The following MAPK6 variants were observed in gnomAD, a reference collection of about 807,000 sequenced individuals.
MAPK6 encodes ERK-3.
In MAPK6, 19 loss-of-function variants were observed where a neutral mutation model predicts 59.3. The ratio of observed to expected loss-of-function variants is 0.32; its 90% confidence interval spans 0.22 to 0.47. The LOEUF (loss-of-function observed/expected upper bound fraction) is 0.47, where lower values mean the gene tolerates loss of function less well. Among genes scored for constraint, MAPK6 ranks in the 20% least tolerant of loss-of-function variants. The pLI is 1.00. For missense variants in MAPK6, 724 were observed against 847.9 expected (o/e 0.85, Z 1.81); for synonymous variants, 316 against 290.3 (o/e 1.09, Z -0.90).
chr15:52,033,344 C>T (rs1426815089), intron 1 of MAPK6, among the ~76,000 whole-genome samples: 1 of 151,862 alleles, frequency 6.6e-6, no homozygotes, highest in Non-Finnish European at 1.5e-5. Flanking sequence ...TGGGTGGGCA[C>T]CATCCAATTG....
chr15:52,062,485 C>G lies in MAPK6; in HGVS notation c.1067+985C>G, dbSNP rs143805854. Reference sequence around the variant, plus strand: ...TAATTGGATTTCTAGGAAAGTTTGGCTGGGCGCGGTGGCTCATGCCTGTAA... The same window carrying G: ...TAATTGGATTTCTAGGAAAGTTTGGGTGGGCGCGGTGGCTCATGCCTGTAA... On this transcript the variant is annotated intron_variant, in intron 5 of 5. Coordinates refer to ENST00000261845, the MANE Select transcript of MAPK6 (RefSeq NM_002748.4). Among the ~76,000 whole-genome samples, 1,021 of 152,138 alleles carry G rather than the reference C, an allele frequency of 6.7e-3. 15 individuals carry two copies. The highest frequency in any genetic ancestry group is 0.024 in the African/African-American group (986 of 41,508).
chr15:52,045,638 C>T (rs1054442522), intron 1 of MAPK6, among the ~76,000 whole-genome samples, 192 bp from the exon 2 acceptor site: 1 of 152,058 alleles, frequency 6.6e-6, no homozygotes, highest in Non-Finnish European at 1.5e-5. Context: ...CCCGGGCCAA[C>T]GTGTGTGAAT....
At position 52,052,919 on chromosome 15, in the gene MAPK6, G is replaced by T. The variant is rs145924076; in HGVS notation, c.700+2782G>T. On this transcript the variant is annotated intron_variant, in intron 3 of 5. Transcript: ENST00000261845. ...GGTATATATACCTAGGAGTGGAATT[G>T]CTGAGCTGTGTGGTAACTGTTTAAC... Among the ~76,000 whole-genome samples, 435 of 152,278 alleles carry T rather than the reference G, an allele frequency of 2.9e-3. 1 individual carries two copies. Among genetic ancestry groups the T allele is most frequent in the Middle Eastern group, 0.02 (6 of 294 alleles).
chr15:51,985,080 G>C (rs1196691953), intron 2 of MAPK6, among the ~76,000 whole-genome samples: 1 of 152,206 alleles, frequency 6.6e-6, no homozygotes, highest in Non-Finnish European at 1.5e-5. Flanking sequence ...TGTTGACTGA[G>C]TGTGGTGGCT....
At chr15:52,057,238 A>G (rs193064665) in intron 3 of MAPK6, 18 of 151,688 alleles carry the variant, frequency 1.2e-4, no homozygotes, top group African/African-American at 3.7e-4. Context: ...TAGTTACCAC[A>G]TCGCAGCCAG....
At chr15:51,983,534 A>G (rs1024919998) in intron 2 of MAPK6, among the ~76,000 whole-genome samples, 2 of 145,936 alleles carry the variant, frequency 1.4e-5, no homozygotes, top group Admixed American at 6.8e-5. Context: ...AACAGGGCTG[A>G]TGTGGTGGCT....
chr15:52,052,169 C>G (rs990833811), intron 3 of MAPK6, among the ~76,000 whole-genome samples: 2 of 152,276 alleles, frequency 1.3e-5, no homozygotes, highest in East Asian at 1.9e-4. Flanking sequence ...CTTATGTTTT[C>G]TCAGTCAAGA....
At chr15:52,053,118 G>T (rs1183329752) in intron 3 of MAPK6, among the ~76,000 whole-genome samples, 4 of 149,058 alleles carry the variant, frequency 2.7e-5, no homozygotes, top group Non-Finnish European at 5.9e-5. Flanking sequence ...TGTCATCCAG[G>T]CTGGAATGCA....
intron 1 of MAPK6, chr15:52,027,945 G>GTTTTTTTT (rs1159075762): frequency 1.7e-5 from 1 of 59,548 alleles, no homozygotes; most frequent in Non-Finnish European, 3.3e-5. Flanking sequence ...GCTAATTTTT[G>GTTTTTTTT]TATTTTTTTT....
rs199765167 is a variant in MAPK6, at chr15:52,058,715, C to G, written c.783C>G (p.Ser261Arg). 6.2e-7 allele frequency: 1 copy of G among 1,613,104 alleles called. No individual in the cohort carries two copies. Among genetic ancestry groups the G allele is most frequent in the East Asian group, 2.2e-5 (1 of 44,852 alleles). ...VHEEDRQELL[S>R]VIPVYIRNDM... ...AGGAAGATCGTCAGGAGCTTCTCAG[C>G]GTAATTCCAGTTTACATTAGAAATG... The change falls in exon 4 of 6, where the codon AGC (serine) becomes AGG (arginine). Residue 261 changes from serine to arginine, a missense_variant. Ser to Arg is a moderately radical substitution (Grantham distance 110, BLOSUM62 -1). Coordinates refer to ENST00000261845, the MANE Select transcript of MAPK6 (RefSeq NM_002748.4).
intron 2 of MAPK6, among the ~76,000 whole-genome samples, chr15:51,994,356 G>A (rs917542515): frequency 2.0e-5 from 3 of 152,178 alleles, no homozygotes; most frequent in African/African-American, 7.2e-5. Flanking sequence ...GGGCATGGTG[G>A]CTCATACCAG....
chr15:51,991,614 A>C (rs1447363918), intron 2 of MAPK6, among the ~76,000 whole-genome samples: 1 of 152,272 alleles, frequency 6.6e-6, no homozygotes, highest in Non-Finnish European at 1.5e-5. Context: ...TAGTTTCCTA[A>C]GAATGGTAAT....
chr15:52,028,237 C>A (rs1249278871), intron 1 of MAPK6, among the ~76,000 whole-genome samples: 1 of 152,114 alleles, frequency 6.6e-6, no homozygotes, highest in Non-Finnish European at 1.5e-5. Flanking sequence ...CAGGTGTGAA[C>A]CACCGCGCCC....
intron 1 of MAPK6, among the ~76,000 whole-genome samples, chr15:52,020,345 C>T (rs549351769): frequency 1.2e-4 from 19 of 152,168 alleles, no homozygotes; most frequent in African/African-American, 4.1e-4. Flanking sequence ...TTTTCTTTTG[C>T]TTGTTCATTG....
chr15:52,023,445 C>G (rs2030624681), intron 1 of MAPK6, among the ~76,000 whole-genome samples: 1 of 152,218 alleles, frequency 6.6e-6, no homozygotes, highest in African/African-American at 2.4e-5. Flanking sequence ...ACAAAAACAA[C>G]TCCAATGTTA....
chr15:52,011,827 A>G (rs1239136370), intron 3 of MAPK6, among the ~76,000 whole-genome samples: 2 of 152,236 alleles, frequency 1.3e-5, no homozygotes, highest in African/African-American at 2.4e-5. Flanking sequence ...ATCAAATTAC[A>G]ACGTGTTCTT....
chr15:51,997,957 C>CTTTCTTTCTTTCTTTCTTTCTTTCTT (rs2057230311), intron 2 of MAPK6, among the ~76,000 whole-genome samples: 3 of 146,220 alleles, frequency 2.1e-5, no homozygotes, highest in African/African-American at 5.1e-5. Context: ...TTCTTTTTTT[C>CTTTCTTTCTTTCTTTCTTTCTTTCTT]TTTTTGAGAC....
At chr15:52,019,763 G>C (rs1209814923) in intron 1 of MAPK6, among the ~76,000 whole-genome samples, 1 of 151,836 alleles carries the variant, frequency 6.6e-6, no homozygotes, top group Non-Finnish European at 1.5e-5. Context: ...CCTGCGCCTG[G>C]CTCCGCGGGT....
At position 52,063,971 on chromosome 15, in the gene MAPK6, G is replaced by C. The variant is rs1384956576; in HGVS notation, c.1137G>C (p.Gln379His). 1 of 1,610,478 alleles carries C rather than the reference G, an allele frequency of 6.2e-7. No individual in the cohort carries two copies. Among genetic ancestry groups the C allele is most frequent in the African/African-American group, 1.3e-5 (1 of 74,824 alleles). The change falls in exon 6 of 6, where the codon CAG becomes CAC. Residue 379 changes from glutamine (Q) to histidine (H), a missense_variant. This residue lies in a region of MAPK6 where 502 missense variants were observed against 507.6 expected (regional missense o/e 0.99). Transcript: ENST00000261845. ...ACAACTTTGATATTGATGAAGTTCA[G>C]CTTGATCCAAGAGCTCTGTCCGATG... ...VHNNFDIDEVQLDPRALSDVT... is the reference protein window; with the variant it reads ...VHNNFDIDEVHLDPRALSDVT...
Sources: allele counts gnomAD v4.1 joint callset (sites outside exome capture counted in the v4.1 genomes callset), GRCh38; gene constraint gnomAD v4.1.1; regional missense constraint gnomAD v4.1.1; transcripts MANE v1.5; gene names NCBI Gene and HGNC (gene_info 2026-07-23, HGNC 2026-07-21).